Variants in TMEM140 observed in about 807,000 individuals in gnomAD.
TMEM140 encodes the protein transmembrane protein 140.
For synonymous variants in TMEM140, 107 were observed against 106.8 expected, an observed-to-expected ratio of 1.00 and a Z score of -0.01; for missense variants, 236 against 228.5, an observed-to-expected ratio of 1.03 and a Z score of -0.21.
At chr7:135,156,373 C>T (rs537298712) in intron 1 of TMEM140, among the ~76,000 whole-genome samples, 1 of 152,238 alleles carries the variant, frequency 6.6e-6, no homozygotes, top group African/African-American at 2.4e-5. Context: ...CAGTCCCAGA[C>T]ATCTCAAAGG....
chr7:135,162,064 C>T (rs1829955394), intron 1 of TMEM140, among the ~76,000 whole-genome samples: 1 of 152,252 alleles, frequency 6.6e-6, no homozygotes, highest in Admixed American at 6.5e-5. Context: ...TTTTGGCATA[C>T]ACCTAGGTCC....
At chr7:135,149,921 C>T (rs1829628832) in intron 1 of TMEM140, among the ~76,000 whole-genome samples, 1 of 152,148 alleles carries the variant, frequency 6.6e-6, no homozygotes, top group Admixed American at 6.5e-5. Flanking sequence ...TAGATATTTT[C>T]CATGCTCATT....
In TMEM140 at chr7:135,165,595, C is replaced by G. The variant is rs1237465412; in HGVS notation, c.*596C>G. 3.0e-5 allele frequency: 5 copies of G among 167,468 alleles called. No homozygotes were observed. The highest frequency in any genetic ancestry group is 1.2e-4 in the African/African-American group (5 of 41,442). The allele number at this position is 167,468 out of a possible 1,614,324, so 10.4% of individuals were successfully genotyped here. ...CATGGGGTACAAAGACAAGGCTTGA[C>G]TGCTTCAAAGCTTCCCTGGACCTGA... is the stretch of plus-strand genomic sequence containing the variant. On this transcript the variant is annotated 3_prime_UTR_variant, in exon 2 of 2. Transcript: ENST00000275767.
At chr7:135,158,593 C>T (rs945165243) in intron 1 of TMEM140, among the ~76,000 whole-genome samples, 30 of 152,156 alleles carry the variant, frequency 2.0e-4, no homozygotes, top group African/African-American at 7.2e-4. Flanking sequence ...CAGCTACAGC[C>T]TCATCAGCCC....
intron 1 of TMEM140, among the ~76,000 whole-genome samples, chr7:135,152,438 G>A (rs532073855): frequency 2.0e-5 from 3 of 152,362 alleles, no homozygotes; most frequent in South Asian, 4.1e-4. Flanking sequence ...ATCATTCACT[G>A]GCTGTGTGAA....
rs1411677343 is a variant in TMEM140, at chr7:135,161,527, AC to A, written c.-24-2888del. ...CTATTCCACACCCTAAAATACCCAAACCCATTAAAAGCACAGATATAGGCTT... is the reference window on the plus strand; with the variant it reads ...CTATTCCACACCCTAAAATACCCAAACCATTAAAAGCACAGATATAGGCTT... On this transcript the variant is annotated intron_variant, in intron 1 of 1. Transcript: ENST00000275767. The surrounding 1 kb of genome is among the most constrained non-coding windows in gnomAD (Gnocchi z 4.1). Among the ~76,000 whole-genome samples the A allele has an allele frequency of 1.3e-5, 2 of 152,172 alleles. No individual in the cohort carries two copies.
chr7:135,156,530 T>C (rs749221763), intron 1 of TMEM140, among the ~76,000 whole-genome samples: 2 of 152,086 alleles, frequency 1.3e-5, no homozygotes, highest in Non-Finnish European at 1.5e-5. Flanking sequence ...TTTCCTTCAA[T>C]GAATTTTTTA....
intron 1 of TMEM140, among the ~76,000 whole-genome samples, chr7:135,152,354 A>G (rs1240530081): frequency 6.6e-6 from 1 of 152,238 alleles, no homozygotes; most frequent in African/African-American, 2.4e-5. Context: ...AAATGAGTTA[A>G]TGCACGTAAA....
At chr7:135,162,377 C>G (rs1237674818) in intron 1 of TMEM140, among the ~76,000 whole-genome samples, 1 of 152,210 alleles carries the variant, frequency 6.6e-6, no homozygotes, top group East Asian at 1.9e-4. Flanking sequence ...CCTCACAAAG[C>G]TTGAAGCTCT....
intron 1 of TMEM140, among the ~76,000 whole-genome samples, chr7:135,163,558 T>C (rs1259103145): frequency 6.6e-6 from 1 of 152,144 alleles, no homozygotes; most frequent in Non-Finnish European, 1.5e-5. Context: ...GGCAGGAGAC[T>C]TGCTTGACCC....
In TMEM140 at chr7:135,164,975, T is replaced by C; in HGVS notation, c.534T>C (p.Ala178=). ...TGTTCCCTCTGAGGGCTGAGAGGGC[T>C]GAGAGCAAGCTTGAGAGCTGCTAAA... ...MAVFPLRAER[A]ESKLESC is the part of the protein sequence containing the mutation. The change falls in exon 2 of 2, where the codon GCT becomes GCC. Residue 178 remains alanine (A), a synonymous_variant. Coordinates refer to ENST00000275767, the MANE Select transcript of TMEM140 (RefSeq NM_018295.5). 1 of 1,602,518 alleles carries C rather than the reference T, an allele frequency of 6.2e-7. No individual in the cohort carries two copies. Among genetic ancestry groups the C allele is most frequent in the Non-Finnish European group, 8.5e-7 (1 of 1,172,218 alleles).
At position 135,165,204 on chromosome 7, in the gene TMEM140, C is replaced by G. The variant is rs1830063056; in HGVS notation, c.*205C>G. 1.8e-6 allele frequency: 1 copy of G among 546,306 alleles called. No individual in the cohort carries two copies. Among genetic ancestry groups the G allele is most frequent in the Admixed American group, 3.4e-5 (1 of 29,266 alleles). The allele number at this position is 546,306 out of a possible 1,614,324, so 33.8% of individuals were successfully genotyped here. A position where few individuals can be genotyped will look rare whatever the true frequency, so the allele number is the denominator to read the frequency against. On this transcript the variant is annotated 3_prime_UTR_variant, in exon 2 of 2. Transcript: ENST00000275767. The stretch of plus-strand genomic sequence containing the variant: ...GACTTCTTAGTACAAGATTGTCTGT[C>G]CTTCAGGACTTCCAAGGCTCCCAAA...
Position 135,161,346 on chromosome 7 carries a change from G to A in TMEM140, c.-24-3072G>A, listed in dbSNP as rs1267983791. ...AGCAAAACGTTTAATAATTTTTTTT[G>A]GAACCCCAGTGTAACAGAATTCAAA... On this transcript the variant is annotated intron_variant, in intron 1 of 1. Coordinates refer to ENST00000275767, the MANE Select transcript of TMEM140 (RefSeq NM_018295.5). The surrounding 1 kb of genome is among the most constrained non-coding windows in gnomAD (Gnocchi z 4.1). Among the ~76,000 whole-genome samples the A allele has an allele frequency of 6.6e-6, 1 of 152,028 alleles. No individual in the cohort carries two copies. Among genetic ancestry groups the A allele is most frequent in the Non-Finnish European group, 1.5e-5 (1 of 67,990 alleles).
intron 1 of TMEM140, among the ~76,000 whole-genome samples, chr7:135,162,138 T>C (rs1006269780): frequency 6.6e-6 from 1 of 152,248 alleles, no homozygotes; most frequent in African/African-American, 2.4e-5. Context: ...ACTTGGTCCC[T>C]TTCTGTAACA....
In TMEM140 at chr7:135,165,181, C is replaced by T; in HGVS notation, c.*182C>T. On this transcript the variant is annotated 3_prime_UTR_variant, in exon 2 of 2. Coordinates refer to ENST00000275767, the MANE Select transcript of TMEM140 (RefSeq NM_018295.5). ...GCAAGGGCAGCCAGGGCACCTGTGA[C>T]TTCTTAGTACAAGATTGTCTGTCCT... 1.6e-6 allele frequency: 1 copy of T among 616,790 alleles called. No individual in the cohort carries two copies. The allele number at this position is 616,790 out of a possible 1,614,324, so 38.2% of individuals were successfully genotyped here. A position where few individuals can be genotyped will look rare whatever the true frequency, so the allele number is the denominator to read the frequency against.
At chr7:135,156,037 T>C (rs552128345) in intron 1 of TMEM140, among the ~76,000 whole-genome samples, 25 of 152,332 alleles carry the variant, frequency 1.6e-4, no homozygotes, top group Non-Finnish European at 2.4e-4. Context: ...ACACTGTTTT[T>C]TTTTTTCCCT....
At chr7:135,152,430 C>T (rs1829686862) in intron 1 of TMEM140, among the ~76,000 whole-genome samples, 1 of 152,278 alleles carries the variant, frequency 6.6e-6, no homozygotes, top group Non-Finnish European at 1.5e-5. Flanking sequence ...CAGGCTCCAT[C>T]ATTCACTGGC....
intron 1 of TMEM140, among the ~76,000 whole-genome samples, chr7:135,158,843 G>A (rs769054173): frequency 8.5e-5 from 13 of 152,208 alleles, no homozygotes; most frequent in Non-Finnish European, 1.5e-4. Context: ...CAAGAGCCAT[G>A]TCTGTAGAGT....
rs148014348 is a variant in TMEM140 at position 135,164,736 on chromosome 7, C to A, written c.295C>A (p.Gln99Lys). 710 of 1,614,232 alleles carry A rather than the reference C, an allele frequency of 4.4e-4. 1 individual carries two copies. Among genetic ancestry groups the A allele is most frequent in the Non-Finnish European group, 5.4e-4 (643 of 1,180,032 alleles). ...GSLVLTLFAP[Q>K]PLLLAQCNSD... is the part of the protein sequence containing the mutation. Reference sequence around the variant, plus strand: ...CCTGGTCCTCACCCTCTTTGCCCCCCAGCCTCTCCTCCTAGCCCAGTGCAA... The same window carrying A: ...CCTGGTCCTCACCCTCTTTGCCCCCAAGCCTCTCCTCCTAGCCCAGTGCAA... The change falls in exon 2 of 2, where the codon CAG becomes AAG. Residue 99 changes from glutamine (Q) to lysine (K), a missense_variant. Physicochemically the swap from Gln to Lys is moderately conservative, Grantham distance 53. Coordinates refer to ENST00000275767, the MANE Select transcript of TMEM140 (RefSeq NM_018295.5).
Sources: allele counts gnomAD v4.1 joint callset (sites outside exome capture counted in the v4.1 genomes callset), GRCh38; gene constraint gnomAD v4.1.1; non-coding constraint Gnocchi (gnomAD v3.1); transcripts MANE v1.5; gene names NCBI Gene and HGNC (gene_info 2026-07-23, HGNC 2026-07-21).